Variants in EXOC4 observed in about 807,000 individuals in gnomAD.
The protein encoded by EXOC4 is SEC8-like 1.
In EXOC4, 71 loss-of-function variants were observed where a neutral mutation model predicts 107.2. The observed-to-expected ratio is 0.66, with a 90% CI of 0.55 to 0.81. The LOEUF (loss-of-function observed/expected upper bound fraction) is 0.81, where lower values mean the gene tolerates loss of function less well. Ranked by LOEUF, EXOC4 falls within the 30% of genes least tolerant of loss-of-function variation. The pLI, the probability that EXOC4 is intolerant of heterozygous loss-of-function variation, is 0.00. For synonymous variants in EXOC4, 456 were observed against 441.2 expected (o/e 1.03, Z -0.42); for missense variants, 1,108 against 1,189.6 (o/e 0.93, Z 1.01).
chr7:133,347,087 T>A (rs1425783135), intron 5 of EXOC4, among the ~76,000 whole-genome samples: 1 of 152,174 alleles, frequency 6.6e-6, no homozygotes, highest in Non-Finnish European at 1.5e-5. Context: ...CTGTACTCAC[T>A]AGGACACGAA....
intron 17 of EXOC4, among the ~76,000 whole-genome samples, chr7:134,032,234 C>T (rs1376575644): frequency 6.6e-6 from 1 of 152,162 alleles, no homozygotes; most frequent in Admixed American, 6.5e-5. Flanking sequence ...AAGTGATTTT[C>T]AATATATTAC....
chr7:133,611,833 C>T lies in EXOC4; in HGVS notation c.1418-18212C>T, dbSNP rs566481302. Among the ~76,000 whole-genome samples the T allele has an allele frequency of 2.3e-4, 35 of 152,288 alleles. No homozygotes were observed. In the South Asian group the frequency reaches 7.1e-3, roughly 31 times the overall value. On this transcript the variant is annotated intron_variant, in intron 9 of 17. Coordinates refer to ENST00000253861, the MANE Select transcript of EXOC4 (RefSeq NM_021807.4). ...TTAAATACTACAGAGATATTAGGGT[C>T]TCTCCTGCCATTCTCTTCTAATCTT...
chr7:133,688,111 C>A (rs576642894), intron 10 of EXOC4, among the ~76,000 whole-genome samples: 1 of 152,204 alleles, frequency 6.6e-6, no homozygotes, highest in East Asian at 1.9e-4. Flanking sequence ...GATTGAGATA[C>A]TTATAATGCA....
intron 5 of EXOC4, among the ~76,000 whole-genome samples, chr7:133,345,014 G>A (rs571876984): frequency 5.8e-4 from 88 of 152,212 alleles, no homozygotes; most frequent in Admixed American, 3.9e-3. Context: ...TAGTTTTGCT[G>A]CTTATTTTTC....
chr7:134,069,311 T>C (rs1190016493), downstream of EXOC4, among the ~76,000 whole-genome samples: 1 of 18,782 alleles, frequency 5.3e-5, no homozygotes, highest in South Asian at 1.4e-3. Flanking sequence ...CCTCCTCCTT[T>C]CTTCCTTCTC....
At chr7:134,052,934 T>C (rs1030593440) in intron 17 of EXOC4, among the ~76,000 whole-genome samples, 1 of 152,244 alleles carries the variant, frequency 6.6e-6, no homozygotes, top group East Asian at 1.9e-4. Flanking sequence ...TTGTGTTTTA[T>C]ACAGATCAAT....
At chr7:133,768,656 T>G (rs1229910868) in intron 10 of EXOC4, among the ~76,000 whole-genome samples, 3 of 152,028 alleles carry the variant, frequency 2.0e-5, no homozygotes, top group African/African-American at 7.2e-5. Context: ...AAGTGTTATT[T>G]ATTAGCCACA....
At chr7:133,353,978 C>T (rs1336475863) in intron 5 of EXOC4, among the ~76,000 whole-genome samples, 3 of 151,412 alleles carry the variant, frequency 2.0e-5, no homozygotes, top group African/African-American at 7.3e-5. Flanking sequence ...TTTTTTAGTT[C>T]TTATATCTCT....
At chr7:133,561,991 G>C (rs528082086) in intron 9 of EXOC4, among the ~76,000 whole-genome samples, 9 of 152,268 alleles carry the variant, frequency 5.9e-5, no homozygotes, top group African/African-American at 1.7e-4. Flanking sequence ...TAATATTAGT[G>C]TTTTTGTCTT....
chr7:133,627,499 CTTAT>C (rs1366714700), intron 9 of EXOC4, among the ~76,000 whole-genome samples: 10 of 152,076 alleles, frequency 6.6e-5, no homozygotes, highest in African/African-American at 2.4e-4. Context: ...TTTATGTAGA[CTTAT>C]TTATCTGTTC....
intron 1 of EXOC4, among the ~76,000 whole-genome samples, chr7:133,263,322 A>AT (rs527368364): frequency 2.0e-5 from 3 of 148,662 alleles, no homozygotes; most frequent in African/African-American, 5.0e-5. Context: ...AATTGTTAAA[A>AT]TTTTTTTTTC....
At chr7:133,342,116 G>A (rs1017171134) in intron 5 of EXOC4, among the ~76,000 whole-genome samples, 1 of 151,040 alleles carries the variant, frequency 6.6e-6, no homozygotes, top group East Asian at 1.9e-4. Context: ...TTTTCATTGT[G>A]TTATTGTTTT....
intron 6 of EXOC4, among the ~76,000 whole-genome samples, chr7:133,365,347 G>A (rs1796228585): frequency 6.6e-6 from 1 of 152,106 alleles, no homozygotes; most frequent in African/African-American, 2.4e-5. Context: ...TGGAATGGGG[G>A]AAAGGATTTC....
intron 12 of EXOC4, among the ~76,000 whole-genome samples, chr7:133,916,045 C>T (rs2116628579): frequency 6.6e-6 from 1 of 152,234 alleles, no homozygotes; most frequent in Non-Finnish European, 1.5e-5. Flanking sequence ...AACAGTGGTC[C>T]CCAACCTTTT....
rs542415106 is a variant in EXOC4, at chr7:133,798,276, AT to A, written c.1515-19047del. Among the ~76,000 whole-genome samples the A allele has an allele frequency of 3.3e-5, 5 of 152,368 alleles. No homozygotes were observed. In the South Asian group the frequency reaches 1.0e-3, roughly 32 times the overall value. On this transcript the variant is annotated intron_variant, in intron 10 of 17. Coordinates refer to ENST00000253861, the MANE Select transcript of EXOC4 (RefSeq NM_021807.4). ...TATAAAGAATACATAAACATAGGATATTGTGAGTAAGCTCCAAATAAGCTTT... is the reference window on the plus strand; with the variant it reads ...TATAAAGAATACATAAACATAGGATATGTGAGTAAGCTCCAAATAAGCTTT...
At chr7:133,938,144 T>A in intron 14 of EXOC4, 75 bp downstream of exon 14, 2 of 1,468,266 alleles carry the variant, frequency 1.4e-6, no homozygotes, top group Non-Finnish European at 1.9e-6. Flanking sequence ...AAGATGAGAG[T>A]GTACACTGGT....
intron 7 of EXOC4, among the ~76,000 whole-genome samples, chr7:133,419,165 A>T (rs1797546601): frequency 6.6e-6 from 1 of 152,194 alleles, no homozygotes; most frequent in Non-Finnish European, 1.5e-5. Context: ...TCAAGAAAAT[A>T]ACAAGGTGGT....
At chr7:133,375,789 A>G (rs1796476866) in intron 7 of EXOC4, among the ~76,000 whole-genome samples, 1 of 152,146 alleles carries the variant, frequency 6.6e-6, no homozygotes, top group Non-Finnish European at 1.5e-5. Flanking sequence ...TGATTTGTTG[A>G]AGATTAGAGG....
At chr7:133,766,660 G>A (rs1796143898) in intron 10 of EXOC4, among the ~76,000 whole-genome samples, 1 of 151,938 alleles carries the variant, frequency 6.6e-6, no homozygotes, top group African/African-American at 2.4e-5. Context: ...AACCTTGCCT[G>A]CCCTTCCAAA....
Sources: allele counts gnomAD v4.1 joint callset (sites outside exome capture counted in the v4.1 genomes callset), GRCh38; gene constraint gnomAD v4.1.1; transcripts MANE v1.5; gene names NCBI Gene and HGNC (gene_info 2026-07-23, HGNC 2026-07-21).